RNF20: variants seen among roughly 807,000 people sequenced by gnomAD.
RNF20 encodes E3 ubiquitin-protein ligase BRE1A.
Under a neutral mutation model 126.2 loss-of-function variants are expected in RNF20, and 84 were observed. The observed-to-expected ratio is 0.67, with a 90% CI of 0.56 to 0.80. The LOEUF is 0.80. RNF20 is among the 30% of genes least tolerant of loss of function. The pLI is 0.00. For synonymous variants in RNF20, 400 were observed against 414.3 expected, an observed-to-expected ratio of 0.97 and a Z score of 0.42; for missense variants, 869 against 1,188.2, an observed-to-expected ratio of 0.73 and a Z score of 3.95.
chr9:101,553,892 T>A, intron 13 of RNF20, 96 bp from the exon 14 acceptor site: 1 of 651,920 alleles, frequency 1.5e-6, no homozygotes, highest in Non-Finnish European at 2.7e-6. Flanking sequence ...AAAATGAAAC[T>A]GTTTTAAAAT....
chr9:101,536,685 G>A lies in RNF20; in HGVS notation c.129+1133G>A, dbSNP rs552952436. On this transcript the variant is annotated intron_variant, in intron 2 of 19. Coordinates refer to ENST00000389120, the MANE Select transcript of RNF20 (RefSeq NM_019592.7). ...CCCCTAGACTTTAGTTTGTAGGGTAGCACTGACAAGGGAATAGACTGTTTA... is the reference window on the plus strand; with the variant it reads ...CCCCTAGACTTTAGTTTGTAGGGTAACACTGACAAGGGAATAGACTGTTTA... Among the ~76,000 whole-genome samples, 18 of 152,330 alleles carry A rather than the reference G, an allele frequency of 1.2e-4. No homozygotes were observed. In the South Asian group the frequency reaches 2.7e-3, roughly 23 times the overall value.
In RNF20 at chr9:101,544,846, A is replaced by C. The variant is rs1204037328; in HGVS notation, c.708A>C (p.Thr236=). ...AQENMRLQEL[T]DLLQEKHRTM... ...AGAATATGAGGCTACAGGAATTGAC[A>C]GATCTTCTTCAGGAAAAGCATCGCA... Residue 236 remains threonine (T), a synonymous_variant, in exon 6 of 20, where the codon ACA becomes ACC. Coordinates refer to ENST00000389120, the MANE Select transcript of RNF20 (RefSeq NM_019592.7). The C allele has an allele frequency of 1.9e-6, 3 of 1,613,774 alleles. No individual in the cohort carries two copies. In the Admixed American group the frequency reaches 5.0e-5, roughly 27 times the overall value.
chr9:101,560,390 T>C (rs994113043), intron 16 of RNF20, among the ~76,000 whole-genome samples: 2 of 152,178 alleles, frequency 1.3e-5, no homozygotes, highest in Non-Finnish European at 1.5e-5. Flanking sequence ...TTTTACACTT[T>C]AATATTGTTT....
intron 2 of RNF20, among the ~76,000 whole-genome samples, chr9:101,537,251 T>A (rs1385420962): frequency 6.6e-6 from 1 of 152,164 alleles, no homozygotes. Flanking sequence ...TGGACCACTG[T>A]GGAGGTAGCA....
intron 13 of RNF20, 26 bp from the exon 14 acceptor site, chr9:101,553,962 C>T (rs1388039774): frequency 7.8e-7 from 1 of 1,289,146 alleles, no homozygotes; most frequent in East Asian, 2.3e-5. Context: ...TACATTGTTC[C>T]CCTCCCTCTA....
chr9:101,540,408 C>T, intron 3 of RNF20, 38 bp downstream of exon 3: 1 of 1,612,628 alleles, frequency 6.2e-7, no homozygotes, highest in African/African-American at 1.3e-5. Context: ...TTTTATTTGA[C>T]CAATTTAGTT....
intron 16 of RNF20, among the ~76,000 whole-genome samples, chr9:101,558,293 G>C (rs191745367): frequency 6.6e-6 from 1 of 152,206 alleles, no homozygotes; most frequent in Admixed American, 6.5e-5. Flanking sequence ...TTCCATTCCT[G>C]AGTTACTTCA....
At chr9:101,545,917 T>A (rs560085947) in intron 6 of RNF20, among the ~76,000 whole-genome samples, 1 of 152,166 alleles carries the variant, frequency 6.6e-6, no homozygotes, top group African/African-American at 2.4e-5. Flanking sequence ...GCCTGTCAGC[T>A]GGGTTAATTG....
rs571282070 is a variant in RNF20 at position 101,562,832 on chromosome 9, A to G, written c.*410A>G. 6.4e-6 allele frequency: 1 copy of G among 155,426 alleles called. No individual in the cohort carries two copies. The highest frequency in any genetic ancestry group is 2.0e-4 in the South Asian group (1 of 4,908). The allele number at this position is 155,426 out of a possible 1,614,324, so 9.6% of individuals were successfully genotyped here. On this transcript the variant is annotated 3_prime_UTR_variant, in exon 20 of 20. Transcript: ENST00000389120. ...GGCTACTTTTGGGGAGTGATATTTT[A>G]AAAAATAAGTTGTCTATGGGCACAA...
At chr9:101,559,825 T>C (rs1249088619) in intron 16 of RNF20, among the ~76,000 whole-genome samples, 1 of 152,184 alleles carries the variant, frequency 6.6e-6, no homozygotes, top group East Asian at 1.9e-4. Context: ...GTTTTCTAGG[T>C]ATATGATAAT....
At position 101,548,064 on chromosome 9, in the gene RNF20, C is replaced by T. The variant is rs148343321; in HGVS notation, c.1092+546C>T. 2.8e-3 allele frequency among the ~76,000 whole-genome samples: 424 copies of T among 152,172 alleles called. 1 individual carries two copies. Among genetic ancestry groups the T allele is most frequent in the African/African-American group, 9.8e-3 (405 of 41,512 alleles). On this transcript the variant is annotated intron_variant, in intron 9 of 19. Coordinates refer to ENST00000389120, the MANE Select transcript of RNF20 (RefSeq NM_019592.7). Reference sequence around the variant, plus strand: ...GAAATTAAGAAAACAATCCCATTTACAATACCATTAAAAAAAATTGTGAAT... The same window carrying T: ...GAAATTAAGAAAACAATCCCATTTATAATACCATTAAAAAAAATTGTGAAT...
chr9:101,535,287 A>T, intron 1 of RNF20, 111 bp from the exon 2 acceptor site: 1 of 634,108 alleles, frequency 1.6e-6, no homozygotes, highest in Non-Finnish European at 2.5e-6. Context: ...GAATTAATGG[A>T]TCCAGGTTAA....
At chr9:101,544,993 T>A (rs1769850148) in intron 6 of RNF20, 108 bp downstream of exon 6, 8 of 714,116 alleles carry the variant, frequency 1.1e-5, no homozygotes, top group Non-Finnish European at 2.0e-5. Flanking sequence ...GCCTATCATA[T>A]CATAGGGGAT....
At chr9:101,551,908 C>A in intron 11 of RNF20, 89 bp downstream of exon 11, 1 of 1,434,574 alleles carries the variant, frequency 7.0e-7, no homozygotes, top group Non-Finnish European at 9.4e-7. Flanking sequence ...TTAATGCTGA[C>A]TTCAACTCAG....
Position 101,544,748 on chromosome 9 carries a change from T to C in RNF20, c.629-19T>C. 3.4e-6 allele frequency: 5 copies of C among 1,488,412 alleles called. No homozygotes were observed. Among genetic ancestry groups the C allele is most frequent in the Non-Finnish European group, 4.7e-6 (5 of 1,067,828 alleles). 92.2% of individuals were successfully genotyped at this position (1,488,412 alleles called of 1,614,324 possible). The stretch of plus-strand genomic sequence containing the variant: ...TGACACTCTAGATGCTAAATTAAAG[T>C]ATAGTTCTTCTTCCCCAGATAATCT... On this transcript the variant is annotated intron_variant, in intron 5 of 19. Transcript: ENST00000389120.
chr9:101,562,920 C>T lies in RNF20; in HGVS notation c.*498C>T, dbSNP rs41282153. The T allele has an allele frequency of 0.044, 6,780 of 152,796 alleles. 195 individuals are homozygous for T. The highest frequency in any genetic ancestry group is 0.082 in the South Asian group (398 of 4,834). The allele number at this position is 152,796 out of a possible 1,614,324, so 9.5% of individuals were successfully genotyped here. ...TGGATTACAAAATGGTATAATTGTG[C>T]TACTCTCCCCTGGGTGGTTTGCAGC... On this transcript the variant is annotated 3_prime_UTR_variant, in exon 20 of 20. Transcript: ENST00000389120.
intron 1 of RNF20, chr9:101,534,426 G>A (rs994788469): frequency 4.6e-5 from 7 of 152,168 alleles, no homozygotes; most frequent in Non-Finnish European, 8.8e-5. Flanking sequence ...TCGCACCCAG[G>A]TCTAACTAAC....
Position 101,557,524 on chromosome 9 carries a change from C to T in RNF20, c.2310C>T (p.Ser770=), listed in dbSNP as rs1386024774. 2 of 1,614,000 alleles carry T rather than the reference C, an allele frequency of 1.2e-6. No individual in the cohort carries two copies. Among genetic ancestry groups the T allele is most frequent in the Non-Finnish European group, 1.7e-6 (2 of 1,179,918 alleles). ...AGCTCATGTCAGAGCGTATCAAGTC[C>T]AATCAGATCCATAAGTTGCTTAAAG... ...NFKLMSERIK[S]NQIHKLLKEE... The change falls in exon 16 of 20, where the codon TCC becomes TCT. Residue 770 remains serine (S), a synonymous_variant. Transcript: ENST00000389120.
intron 2 of RNF20, among the ~76,000 whole-genome samples, chr9:101,537,548 G>A (rs560057092): frequency 5.3e-5 from 8 of 152,266 alleles, no homozygotes; most frequent in Admixed American, 2.6e-4. Flanking sequence ...TGTAAGTTGT[G>A]TTTACATCTA....
Sources: allele counts gnomAD v4.1 joint callset (sites outside exome capture counted in the v4.1 genomes callset), GRCh38; gene constraint gnomAD v4.1.1; transcripts MANE v1.5; gene names NCBI Gene and HGNC (gene_info 2026-07-23, HGNC 2026-07-21).